Variants in MYO5A observed in about 807,000 individuals in gnomAD.
MYO5A encodes the protein unconventional myosin-Va.
MYO5A carries 98 observed loss-of-function variants against 249.7 expected under a neutral mutation model. That is an observed-to-expected ratio of 0.39 (90% CI 0.33 to 0.46). MYO5A has a LOEUF of 0.46. MYO5A is among the 20% of genes least tolerant of loss of function. The probability of loss-of-function intolerance (pLI) is 0.98; values close to 1 mark genes in which losing one functional copy is unlikely to be tolerated. For missense variants in MYO5A, 1,696 were observed against 2,308.8 expected (o/e 0.73, Z 5.44); for synonymous variants, 778 against 810.6 (o/e 0.96, Z 0.68).
At chr15:52,512,646 C>T (rs1244849156) in intron 1 of MYO5A, among the ~76,000 whole-genome samples, 3 of 152,152 alleles carry the variant, frequency 2.0e-5, no homozygotes, top group Admixed American at 6.6e-5. Context: ...CTACCCTGGG[C>T]ATTTATTATT....
chr15:52,360,511 G>A (rs989245318), intron 24 of MYO5A, among the ~76,000 whole-genome samples: 6 of 152,136 alleles, frequency 3.9e-5, no homozygotes, highest in Admixed American at 1.3e-4. Flanking sequence ...TTTACTGCAT[G>A]GTAACTAGGC....
chr15:52,319,035 G>A, intron 39 of MYO5A, 25 bp downstream of exon 39: 6 of 1,613,202 alleles, frequency 3.7e-6, no homozygotes, highest in Non-Finnish European at 4.2e-6. Flanking sequence ...AAAAGACACT[G>A]TCGCAGGTGT....
chr15:52,528,875 C>T lies in MYO5A; in HGVS notation c.-69G>A. On this transcript the variant is annotated 5_prime_UTR_variant, in exon 1 of 42. Transcript: ENST00000399233. The stretch of plus-strand genomic sequence containing the variant: ...CACCTCGCCTGGGCGGCCGCCCGAG[C>T]GGACTAGGAAGCGCCCGCAGCCGCC... 7 of 1,392,352 alleles carry T rather than the reference C, an allele frequency of 5.0e-6. No homozygotes were observed. In the South Asian group the frequency reaches 6.1e-5, roughly 12 times the overall value. 86.2% of individuals were successfully genotyped at this position (1,392,352 alleles called of 1,614,324 possible). A position where few individuals can be genotyped will look rare whatever the true frequency, so the allele number is the denominator to read the frequency against.
chr15:52,458,212 C>T (rs981481571), intron 1 of MYO5A, among the ~76,000 whole-genome samples: 3 of 152,146 alleles, frequency 2.0e-5, no homozygotes, highest in African/African-American at 4.8e-5. Flanking sequence ...GTGACTATAG[C>T]TAACGACAAT....
chr15:52,467,308 G>A (rs1269221046), intron 1 of MYO5A, among the ~76,000 whole-genome samples: 1 of 152,180 alleles, frequency 6.6e-6, no homozygotes, highest in Admixed American at 6.5e-5. Flanking sequence ...GGATGCACAT[G>A]AGGAATTTAC....
intron 4 of MYO5A, among the ~76,000 whole-genome samples, chr15:52,422,059 A>G (rs751515789): frequency 5.3e-5 from 8 of 152,234 alleles, no homozygotes; most frequent in Non-Finnish European, 1.0e-4. Flanking sequence ...TCCTAGTTAC[A>G]GCATGAGAAA....
rs1334514866 is a variant in MYO5A, at chr15:52,370,276, T to C, written c.2959A>G (p.Ser987Gly). 3 of 1,614,148 alleles carry C rather than the reference T, an allele frequency of 1.9e-6. No homozygotes were observed. In the Admixed American group the frequency reaches 5.0e-5, roughly 27 times the overall value. The change falls in exon 22 of 42, where the codon AGT (serine) becomes GGT (glycine). Residue 987 changes from serine to glycine, a missense_variant. Physicochemically the swap from Ser to Gly is moderately conservative, Grantham distance 56 (BLOSUM62 0). Around this residue, in one of 5 missense-constraint regions of MYO5A, gnomAD observed 412 missense variants for 453.3 expected, o/e 0.91. Coordinates refer to ENST00000399233, the MANE Select transcript of MYO5A (RefSeq NM_001382347.1). ...EAKVATGRVL[S>G]LQEEIAKLRK... ...AGCTTGGCAATTTCTTCCTGCAGAC[T>C]AAGGACCCGCCCAGTGGCAACTTTC...
intron 31 of MYO5A, among the ~76,000 whole-genome samples, chr15:52,341,565 A>C (rs754548778): frequency 6.6e-6 from 1 of 152,242 alleles, no homozygotes; most frequent in Non-Finnish European, 1.5e-5. Flanking sequence ...ACTAATGTGA[A>C]GAAAGAAAAG....
chr15:52,523,959 T>C (rs879774475), intron 1 of MYO5A, among the ~76,000 whole-genome samples: 1 of 125,632 alleles, frequency 8.0e-6, no homozygotes, highest in Non-Finnish European at 1.9e-5. Context: ...ATCAGTAGTT[T>C]GAAGAGACAG....
chr15:52,357,498 C>T (rs1436461497), intron 25 of MYO5A, among the ~76,000 whole-genome samples: 4 of 147,934 alleles, frequency 2.7e-5, no homozygotes, highest in Non-Finnish European at 5.9e-5. Context: ...ACTCTTTAGA[C>T]ATTGGCTAAT....
Position 52,385,906 on chromosome 15 carries a change from C to T in MYO5A, c.1753-1584G>A, listed in dbSNP as rs117481657. On this transcript the variant is annotated intron_variant, in intron 14 of 41. Transcript: ENST00000399233. ...TTCAATGGAAACAATGTTACACAGACTGGCAGTCACTGCAAATGATTTGTC... is the reference window on the plus strand; with the variant it reads ...TTCAATGGAAACAATGTTACACAGATTGGCAGTCACTGCAAATGATTTGTC... 7.9e-5 allele frequency among the ~76,000 whole-genome samples: 12 copies of T among 152,308 alleles called. No individual in the cohort carries two copies. In the East Asian group the frequency reaches 2.1e-3, roughly 27 times the overall value.
chr15:52,457,971 A>T (rs75224389), intron 1 of MYO5A, among the ~76,000 whole-genome samples: 1,810 of 152,326 alleles, frequency 0.012, 37 homozygotes, highest in African/African-American at 0.042. Flanking sequence ...ATGAAACTGG[A>T]GGTCATTAAG....
chr15:52,487,536 CCA>C (rs1037619616), intron 1 of MYO5A, among the ~76,000 whole-genome samples: 2 of 152,044 alleles, frequency 1.3e-5, no homozygotes, highest in Non-Finnish European at 2.9e-5. Flanking sequence ...CCAGCTTGGA[CCA>C]CATGGTGAAA....
chr15:52,336,370 G>A, intron 34 of MYO5A, 93 bp downstream of exon 34: 1 of 788,742 alleles, frequency 1.3e-6, no homozygotes, highest in Non-Finnish European at 2.2e-6. Flanking sequence ...ATATTTGCAT[G>A]CAAACCTCTA....
chr15:52,343,370 TG>T (rs1462276472), intron 30 of MYO5A, among the ~76,000 whole-genome samples, 173 bp from the exon 31 acceptor site: 1 of 152,260 alleles, frequency 6.6e-6, no homozygotes, highest in African/African-American at 2.4e-5. Flanking sequence ...TTTTTAAAAA[TG>T]AGTAACATGT....
chr15:52,516,553 T>C (rs1364927237), intron 1 of MYO5A, among the ~76,000 whole-genome samples: 1 of 152,240 alleles, frequency 6.6e-6, no homozygotes, highest in Admixed American at 6.5e-5. Context: ...CTGTGGCTAC[T>C]GCCGTGATCC....
At chr15:52,344,523 G>T (rs572560282) in intron 30 of MYO5A, among the ~76,000 whole-genome samples, 24 of 152,254 alleles carry the variant, frequency 1.6e-4, no homozygotes, top group African/African-American at 5.8e-4. Flanking sequence ...GTCTTCTTAT[G>T]TATCTTTCAA....
At position 52,372,303 on chromosome 15, in the gene MYO5A, TGCGGGCCA is replaced by T; in HGVS notation, c.2630_2637del (p.Leu877HisfsTer25). ...GCATGCATGCTCCTCTTGTAGTGTG[TGCGGGCCA>T]GCCAGCCCCGGACTCGCTTCTGAAT... On this transcript the variant is annotated frameshift_variant, in exon 21 of 42. Coordinates refer to ENST00000399233, the MANE Select transcript of MYO5A (RefSeq NM_001382347.1). LOFTEE classifies it high-confidence loss of function. 1 of 1,609,124 alleles carries T rather than the reference TGCGGGCCA, an allele frequency of 6.2e-7. No homozygotes were observed. Among genetic ancestry groups the T allele is most frequent in the Non-Finnish European group, 8.5e-7 (1 of 1,179,994 alleles).
At chr15:52,421,344 G>C (rs564928208) in intron 4 of MYO5A, among the ~76,000 whole-genome samples, 130 of 152,206 alleles carry the variant, frequency 8.5e-4, no homozygotes, top group African/African-American at 3.1e-3. Flanking sequence ...CCAGATGAGA[G>C]GCTCAAGTCA....
Sources: allele counts gnomAD v4.1 joint callset (sites outside exome capture counted in the v4.1 genomes callset), GRCh38; gene constraint gnomAD v4.1.1; regional missense constraint gnomAD v4.1.1; transcripts MANE v1.5; gene names NCBI Gene and HGNC (gene_info 2026-07-23, HGNC 2026-07-21).